Variants in MUSK observed in about 807,000 individuals in gnomAD.
The protein encoded by MUSK is muscle, skeletal receptor tyrosine-protein kinase.
A neutral mutation model predicts 88.7 loss-of-function variants in MUSK; 55 were observed. That is an observed-to-expected ratio of 0.62 (90% CI 0.50 to 0.78). The LOEUF (loss-of-function observed/expected upper bound fraction) is 0.78, where lower values mean the gene tolerates loss of function less well. Ranked by LOEUF, MUSK falls within the 30% of genes least tolerant of loss-of-function variation. The pLI is 0.00. For synonymous variants in MUSK, 387 were observed against 391.9 expected (o/e 0.99, Z 0.15); for missense variants, 1,015 against 1,074.3 (o/e 0.94, Z 0.77).
At chr9:110,708,096 C>G (rs1020035404) in intron 5 of MUSK, among the ~76,000 whole-genome samples, 1 of 81,160 alleles carries the variant, frequency 1.2e-5, no homozygotes, top group Non-Finnish European at 2.7e-5. Flanking sequence ...TAATTCCTAT[C>G]TATCTATCTA....
rs551482253 is a variant in MUSK at position 110,709,428 on chromosome 9, C to T, written c.628+11962C>T. 1.3e-3 allele frequency among the ~76,000 whole-genome samples: 198 copies of T among 152,268 alleles called. 6 individuals are homozygous for T. The South Asian group carries it at 0.041, about 31-fold the overall frequency. ...GTTCTACCACCTATCACATGTGTAA[C>T]TTCCAGTAGGTTACTTATCTCTTTG... On this transcript the variant is annotated intron_variant, in intron 5 of 14. Transcript: ENST00000374448.
rs2078127598 is a variant in MUSK at position 110,803,965 on chromosome 9, A to G, written c.*2977A>G. Among the ~76,000 whole-genome samples the G allele has an allele frequency of 1.3e-5, 2 of 152,208 alleles. No individual in the cohort carries two copies. The highest frequency in any genetic ancestry group is 1.3e-4 in the Admixed American group (2 of 15,284). ...CAGCAGTCATTTTTAGTGATCAAAT[A>G]CCAAACATGGTAAGATACCAGAGTA... On this transcript the variant is annotated 3_prime_UTR_variant, in exon 15 of 15. Coordinates refer to ENST00000374448, the MANE Select transcript of MUSK (RefSeq NM_005592.4).
intron 3 of MUSK, among the ~76,000 whole-genome samples, chr9:110,690,042 T>C (rs2076301976): frequency 1.1e-5 from 1 of 91,322 alleles, no homozygotes; most frequent in Non-Finnish European, 1.8e-5. Context: ...TTAATATAAG[T>C]ATAAATATAT....
intron 5 of MUSK, chr9:110,706,229 A>G: frequency 2.7e-6 from 1 of 372,272 alleles, no homozygotes; most frequent in Non-Finnish European, 5.5e-6. Context: ...TTAACTAGAA[A>G]TTTTCCTTCT....
chr9:110,694,410 A>AAC (rs1318567194), intron 3 of MUSK, among the ~76,000 whole-genome samples: 2 of 143,430 alleles, frequency 1.4e-5, no homozygotes, highest in African/African-American at 2.9e-5. Context: ...AAAAAAACAA[A>AAC]AAAACAAAAC....
chr9:110,760,163 G>A (rs1478256783), intron 7 of MUSK, among the ~76,000 whole-genome samples: 1 of 152,260 alleles, frequency 6.6e-6, no homozygotes, highest in East Asian at 1.9e-4. Flanking sequence ...TAAGTCCTAA[G>A]ATAACAAAAA....
At chr9:110,764,080 C>G (rs1011527204) in intron 8 of MUSK, among the ~76,000 whole-genome samples, 15 of 152,138 alleles carry the variant, frequency 9.9e-5, no homozygotes, top group African/African-American at 3.6e-4. Flanking sequence ...TGTAAGGAGG[C>G]AAGAGAGGGA....
intron 11 of MUSK, 94 bp from the exon 12 acceptor site, chr9:110,784,721 A>T: frequency 1.1e-6 from 1 of 948,108 alleles, no homozygotes; most frequent in Non-Finnish European, 1.6e-6. Flanking sequence ...TAAATATATT[A>T]TTATCATGAA....
chr9:110,743,819 T>A (rs141944726), intron 6 of MUSK, among the ~76,000 whole-genome samples: 1 of 152,308 alleles, frequency 6.6e-6, no homozygotes, highest in East Asian at 1.9e-4. Flanking sequence ...AGCAGCCAGT[T>A]TGAAAGAGGC....
chr9:110,704,592 T>C (rs1433015388), intron 5 of MUSK, among the ~76,000 whole-genome samples: 2 of 151,618 alleles, frequency 1.3e-5, no homozygotes, highest in Non-Finnish European at 2.9e-5. Context: ...CAATATAATA[T>C]GTTCATAAGT....
chr9:110,750,219 G>C (rs1195921334), intron 7 of MUSK, among the ~76,000 whole-genome samples: 4 of 152,062 alleles, frequency 2.6e-5, no homozygotes, highest in Non-Finnish European at 5.9e-5. Flanking sequence ...TCTCATTTCA[G>C]GTCATTATTC....
intron 9 of MUSK, among the ~76,000 whole-genome samples, chr9:110,768,621 T>C (rs2077522323): frequency 6.6e-6 from 1 of 152,248 alleles, no homozygotes; most frequent in Admixed American, 6.5e-5. Flanking sequence ...TCCATTACTC[T>C]TGTTATTGTT....
intron 14 of MUSK, 120 bp from the exon 15 acceptor site, chr9:110,800,186 G>GACA (rs1401446772): frequency 1.1e-5 from 10 of 901,000 alleles, no homozygotes; most frequent in Middle Eastern, 2.4e-4. Flanking sequence ...ACAAACATAC[G>GACA]ACAACAACAA....
chr9:110,696,602 T>C (rs911821651), intron 4 of MUSK, among the ~76,000 whole-genome samples: 1 of 152,124 alleles, frequency 6.6e-6, no homozygotes, highest in South Asian at 2.1e-4. Flanking sequence ...TTTCCTACAA[T>C]GACAAACAAG....
At chr9:110,745,473 A>C (rs1199965913) in intron 6 of MUSK, among the ~76,000 whole-genome samples, 1 of 152,214 alleles carries the variant, frequency 6.6e-6, no homozygotes, top group East Asian at 1.9e-4. Flanking sequence ...TATAAACAAA[A>C]TATAAAATAC....
intron 6 of MUSK, among the ~76,000 whole-genome samples, chr9:110,744,921 C>A (rs181100420): frequency 4.6e-5 from 7 of 152,264 alleles, no homozygotes; most frequent in Admixed American, 2.6e-4. Context: ...ATCTTTGAAA[C>A]CTGAGGTGCG....
intron 5 of MUSK, among the ~76,000 whole-genome samples, chr9:110,704,341 C>G (rs954409419): frequency 6.6e-6 from 1 of 152,084 alleles, no homozygotes; most frequent in African/African-American, 2.4e-5. Context: ...AAATTATCTA[C>G]CGTATATGTG....
At chr9:110,732,331 C>A (rs1324985041) in intron 5 of MUSK, among the ~76,000 whole-genome samples, 1 of 151,992 alleles carries the variant, frequency 6.6e-6, no homozygotes, top group Non-Finnish European at 1.5e-5. Flanking sequence ...GACTCTAAGT[C>A]TCCATTATTG....
At chr9:110,676,180 C>T (rs1375238206) in intron 1 of MUSK, among the ~76,000 whole-genome samples, 1 of 151,428 alleles carries the variant, frequency 6.6e-6, no homozygotes, top group Non-Finnish European at 1.5e-5. Context: ...TTAAAAAATC[C>T]TGTAAGATAC....
Sources: gnomAD v4.1 joint callset for allele counts (sites outside exome capture counted in the v4.1 genomes callset) on GRCh38, gnomAD v4.1.1 for gene constraint, MANE v1.5 for transcripts, NCBI Gene and HGNC (gene_info 2026-07-23, HGNC 2026-07-21) for gene names.